The following CHST11 variants were observed in gnomAD, a reference collection of about 807,000 sequenced individuals.
The protein encoded by CHST11 is C4S-1.
A neutral mutation model predicts 30.4 loss-of-function variants in CHST11; 9 were observed. That is an observed-to-expected ratio of 0.30 (90% CI 0.18 to 0.52). The LOEUF is 0.52. CHST11 is among the 20% of genes least tolerant of loss of function. The pLI is 0.97. For synonymous variants in CHST11, 152 were observed against 187.8 expected (o/e 0.81, Z 1.56); for missense variants, 348 against 460.6 (o/e 0.76, Z 2.24).
intron 1 of CHST11, among the ~76,000 whole-genome samples, chr12:104,486,534 A>C (rs1033555136): frequency 6.6e-6 from 1 of 152,160 alleles, no homozygotes; most frequent in Non-Finnish European, 1.5e-5. Flanking sequence ...CCATGCATGC[A>C]TGAGAGAGTT....
chr12:104,748,926 G>A (rs567905693), intron 2 of CHST11, among the ~76,000 whole-genome samples: 2 of 152,120 alleles, frequency 1.3e-5, no homozygotes, highest in Admixed American at 6.5e-5. Flanking sequence ...GAGAACCACT[G>A]GCATGAAGTA....
intron 1 of CHST11, among the ~76,000 whole-genome samples, chr12:104,527,068 A>G (rs556447410): frequency 6.6e-6 from 1 of 152,296 alleles, no homozygotes; most frequent in African/African-American, 2.4e-5. Flanking sequence ...AACGGGTTGA[A>G]TTGTGTCTCC....
At chr12:104,663,177 C>T (rs1370913754) in intron 2 of CHST11, among the ~76,000 whole-genome samples, 13 of 152,198 alleles carry the variant, frequency 8.5e-5, no homozygotes, top group Non-Finnish European at 1.8e-4. Flanking sequence ...GAGGCCTGGG[C>T]GAGCCCTGTC....
chr12:104,525,112 T>C (rs1287889288), intron 1 of CHST11, among the ~76,000 whole-genome samples: 1 of 151,524 alleles, frequency 6.6e-6, no homozygotes, highest in African/African-American at 2.4e-5. Context: ...CTTTCTTTTT[T>C]TTTTTTTTTT....
chr12:104,652,277 C>T (rs940265207), intron 2 of CHST11, among the ~76,000 whole-genome samples: 10 of 152,154 alleles, frequency 6.6e-5, no homozygotes, highest in Admixed American at 4.6e-4. Context: ...AAAAATGGCA[C>T]GGACAATGAT....
At chr12:104,632,642 C>T (rs1490023209) in intron 2 of CHST11, among the ~76,000 whole-genome samples, 2 of 152,214 alleles carry the variant, frequency 1.3e-5, no homozygotes, top group African/African-American at 2.4e-5. Context: ...TCCGCTCAAA[C>T]GGGTTTCTTA....
chr12:104,696,936 C>T (rs1592844580), intron 2 of CHST11, among the ~76,000 whole-genome samples: 1 of 152,170 alleles, frequency 6.6e-6, no homozygotes, highest in African/African-American at 2.4e-5. Context: ...TGATGTCCAG[C>T]CCTGTGGATC....
intron 1 of CHST11, among the ~76,000 whole-genome samples, chr12:104,513,153 G>T (rs2037986501): frequency 8.3e-6 from 1 of 120,184 alleles, no homozygotes. Context: ...GGTGGGGAGG[G>T]AGGGAGAGGT....
intron 1 of CHST11, among the ~76,000 whole-genome samples, chr12:104,504,878 G>A (rs1234649340): frequency 6.6e-6 from 1 of 152,068 alleles, no homozygotes; most frequent in Non-Finnish European, 1.5e-5. Context: ...GTGGGGGAGG[G>A]GGAGCCTTAA....
intron 2 of CHST11, among the ~76,000 whole-genome samples, chr12:104,622,842 C>T (rs1054920434): frequency 7.9e-5 from 12 of 152,114 alleles, no homozygotes; most frequent in African/African-American, 2.4e-4. Flanking sequence ...TGTGTAATTG[C>T]GTATTAGCAG....
intron 1 of CHST11, among the ~76,000 whole-genome samples, chr12:104,464,470 C>A (rs1190312542): frequency 1.3e-5 from 2 of 152,050 alleles, no homozygotes; most frequent in South Asian, 2.1e-4. Flanking sequence ...CCCCTTGACC[C>A]CCAACTAGAC....
chr12:104,654,816 C>A lies in CHST11; in HGVS notation c.204+52825C>A, dbSNP rs2039527298. ...TGAGTTAACCATGAGCCCCTCCACCCCTGCTTTCTATTTATTTCCACTGCC... is the reference window on the plus strand; with the variant it reads ...TGAGTTAACCATGAGCCCCTCCACCACTGCTTTCTATTTATTTCCACTGCC... On this transcript the variant is annotated intron_variant, in intron 2 of 2. Coordinates refer to ENST00000303694, the MANE Select transcript of CHST11 (RefSeq NM_018413.6). 1.3e-5 allele frequency among the ~76,000 whole-genome samples: 2 copies of A among 152,294 alleles called. 1 individual carries two copies. Among genetic ancestry groups the A allele is most frequent in the South Asian group, 4.1e-4 (2 of 4,828 alleles).
chr12:104,756,443 C>A (rs939721800), intron 2 of CHST11, among the ~76,000 whole-genome samples: 1 of 152,066 alleles, frequency 6.6e-6, no homozygotes, highest in Non-Finnish European at 1.5e-5. Context: ...TCTGCCCTGG[C>A]ACCTCCTAGA....
chr12:104,579,798 A>G (rs1013048327), intron 1 of CHST11, among the ~76,000 whole-genome samples: 1 of 152,204 alleles, frequency 6.6e-6, no homozygotes, highest in Non-Finnish European at 1.5e-5. Flanking sequence ...GATGGAAGGT[A>G]ATTTGAATAA....
chr12:104,573,299 G>T (rs1286028022), intron 1 of CHST11, among the ~76,000 whole-genome samples: 3 of 152,160 alleles, frequency 2.0e-5, no homozygotes, highest in Non-Finnish European at 4.4e-5. Flanking sequence ...GTAAGTTATA[G>T]ATTCAGTGCC....
chr12:104,542,139 G>A (rs1592753645), intron 1 of CHST11, among the ~76,000 whole-genome samples: 4 of 152,188 alleles, frequency 2.6e-5, no homozygotes, highest in Admixed American at 2.0e-4. Context: ...ACATTGTGGA[G>A]GATATGCTAA....
At chr12:104,470,724 C>T (rs1011911267) in intron 1 of CHST11, among the ~76,000 whole-genome samples, 1 of 152,142 alleles carries the variant, frequency 6.6e-6, no homozygotes, top group East Asian at 1.9e-4. Context: ...TTTACCAATC[C>T]CATTATACAG....
At position 104,513,233 on chromosome 12, in the gene CHST11, C is replaced by A. The variant is rs144093093; in HGVS notation, c.118+55704C>A. ...AACACAGAAACTTAGTGTTTCTGTG[C>A]CATGTCTCACATACACAGAGAGAAT... On this transcript the variant is annotated intron_variant, in intron 1 of 2. Transcript: ENST00000303694. Among the ~76,000 whole-genome samples the A allele has an allele frequency of 1.6e-3, 243 of 151,182 alleles. 1 individual carries two copies. Among genetic ancestry groups the A allele is most frequent in the Middle Eastern group, 6.8e-3 (2 of 292 alleles).
chr12:104,757,908 G>A lies in CHST11; in HGVS notation c.*105G>A. ...TATTTTGTAAATTAATATTTCTTTG[G>A]GGATGATGCTGCGAGCAGCATAGTG... is the stretch of plus-strand genomic sequence containing the variant. On this transcript the variant is annotated 3_prime_UTR_variant, in exon 3 of 3. Transcript: ENST00000303694. This position sits in a 1 kb window ranked among gnomAD's most constrained non-coding sequence, Gnocchi z 6.5. The A allele has an allele frequency of 8.3e-7, 1 of 1,210,552 alleles. No individual in the cohort carries two copies. The highest frequency in any genetic ancestry group is 1.1e-6 in the Non-Finnish European group (1 of 877,948). 75.0% of individuals were successfully genotyped at this position (1,210,552 alleles called of 1,614,324 possible).
Sources: allele counts gnomAD v4.1 joint callset (sites outside exome capture counted in the v4.1 genomes callset), GRCh38; gene constraint gnomAD v4.1.1; non-coding constraint Gnocchi (gnomAD v3.1); transcripts MANE v1.5; gene names NCBI Gene and HGNC (gene_info 2026-07-23, HGNC 2026-07-21).